Variants in TENT5C observed in about 807,000 individuals in gnomAD.
TENT5C encodes the protein terminal nucleotidyltransferase 5C.
TENT5C carries 5 observed loss-of-function variants against 22.2 expected under a neutral mutation model. That is an observed-to-expected ratio of 0.22 (90% CI 0.12 to 0.47). The LOEUF (loss-of-function observed/expected upper bound fraction) is 0.47. TENT5C is among the 20% of genes least tolerant of loss of function. TENT5C has a pLI of 0.99. For missense variants in TENT5C, 364 were observed against 500.9 expected, an observed-to-expected ratio of 0.73 and a Z score of 2.61; for synonymous variants, 199 against 195.4, an observed-to-expected ratio of 1.02 and a Z score of -0.15.
At position 117,627,571 on chromosome 1, in the gene TENT5C, T is replaced by A. The variant is rs891711876; in HGVS notation, c.*3527T>A. On this transcript the variant is annotated 3_prime_UTR_variant, in exon 2 of 2. Transcript: ENST00000369448. Reference sequence around the variant, plus strand: ...CCTGACGCTCATAGAGGCCATTCCTTCCTGGGTGTCGGACCAGGGCTCTGT... The same window carrying A: ...CCTGACGCTCATAGAGGCCATTCCTACCTGGGTGTCGGACCAGGGCTCTGT... 4.0e-6 allele frequency: 1 copy of A among 248,052 alleles called. No individual in the cohort carries two copies. The highest frequency in any genetic ancestry group is 8.5e-6 in the Non-Finnish European group (1 of 118,118). 15.4% of individuals were successfully genotyped at this position (248,052 alleles called of 1,614,324 possible). A position where few individuals can be genotyped will look rare whatever the true frequency, so the allele number is the denominator to read the frequency against.
At chr1:117,620,292 G>A (rs552685641) in intron 1 of TENT5C, among the ~76,000 whole-genome samples, 2 of 152,284 alleles carry the variant, frequency 1.3e-5, no homozygotes, top group East Asian at 1.9e-4. Flanking sequence ...ACATTATTGA[G>A]GTTCTTGCTG....
At position 117,623,800 on chromosome 1, in the gene TENT5C, G is replaced by A. The variant is rs1570864922; in HGVS notation, c.932G>A (p.Arg311His). ...AAGTACGACTACCTCATGATCCTTC[G>A]CAGGGTGGTGAACGAGAGCACCGTG... Reference protein sequence around the residue: ...RSKYDYLMILRRVVNESTVCL... With the variant: ...RSKYDYLMILHRVVNESTVCL... The change falls in exon 2 of 2, where the codon CGC becomes CAC. Residue 311 changes from arginine (R) to histidine (H), a missense_variant. Arg to His is a conservative substitution (Grantham distance 29, BLOSUM62 0). Coordinates refer to ENST00000369448, the MANE Select transcript of TENT5C (RefSeq NM_017709.4). 1.9e-6 allele frequency: 3 copies of A among 1,614,126 alleles called. No individual in the cohort carries two copies. Among genetic ancestry groups the A allele is most frequent in the Non-Finnish European group, 2.5e-6 (3 of 1,180,038 alleles).
At chr1:117,612,605 C>T (rs1331217036) in intron 1 of TENT5C, among the ~76,000 whole-genome samples, 2 of 152,160 alleles carry the variant, frequency 1.3e-5, no homozygotes, top group South Asian at 2.1e-4. Flanking sequence ...ATGCGCAGTA[C>T]CTGGAGGCCC....
rs1653938450 is a variant in TENT5C, at chr1:117,623,232, G to GA, written c.365dup (p.Val124CysfsTer27). 1.2e-6 allele frequency: 2 copies of GA among 1,614,100 alleles called. No individual in the cohort carries two copies. Among genetic ancestry groups the GA allele is most frequent in the African/African-American group, 2.7e-5 (2 of 74,936 alleles). ...GTGTTCCCTTCTGAACTTCCTGCCA[G>GA]AGGGTGTGAACAAGCTCAAAATCAG... On this transcript the variant is annotated frameshift_variant, in exon 2 of 2. Transcript: ENST00000369448. LOFTEE classifies it high-confidence loss of function.
At chr1:117,608,368 C>T (rs1440570192) in intron 1 of TENT5C, among the ~76,000 whole-genome samples, 1 of 152,162 alleles carries the variant, frequency 6.6e-6, no homozygotes, top group African/African-American at 2.4e-5. Flanking sequence ...ACTGAAATCT[C>T]CCGAGTTCCA....
intron 1 of TENT5C, among the ~76,000 whole-genome samples, chr1:117,611,101 T>C (rs996098916): frequency 2.6e-5 from 4 of 152,228 alleles, no homozygotes; most frequent in Non-Finnish European, 4.4e-5. Context: ...CTGTCCATCG[T>C]TGCCCTCTGC....
Position 117,623,089 on chromosome 1 carries a change from C to T in TENT5C, c.221C>T (p.Ser74Phe), listed in dbSNP as rs1653934349. 1.9e-6 allele frequency: 3 copies of T among 1,614,228 alleles called. No homozygotes were observed. Among genetic ancestry groups the T allele is most frequent in the Non-Finnish European group, 2.5e-6 (3 of 1,180,050 alleles). The change falls in exon 2 of 2, where the codon TCC (serine) becomes TTC (phenylalanine). Residue 74 changes from serine to phenylalanine, a missense_variant. Coordinates refer to ENST00000369448, the MANE Select transcript of TENT5C (RefSeq NM_017709.4). ...IKVHDVRLNG[S>F]AAGHVLVKDN... ...GTGCACGACGTCCGGCTGAATGGCT[C>T]CGCAGCTGGCCACGTTTTGGTCAAA...
intron 1 of TENT5C, among the ~76,000 whole-genome samples, chr1:117,609,259 T>C (rs1297676133): frequency 1.3e-5 from 2 of 152,232 alleles, no homozygotes; most frequent in African/African-American, 4.8e-5. Context: ...TCAAATAGTT[T>C]AGAGGAAGCA....
Position 117,625,128 on chromosome 1 carries a change from T to C in TENT5C, c.*1084T>C, listed in dbSNP as rs2101081357. 4.0e-6 allele frequency: 1 copy of C among 247,630 alleles called. No homozygotes were observed. Among genetic ancestry groups the C allele is most frequent in the African/African-American group, 2.2e-5 (1 of 45,256 alleles). The allele number at this position is 247,630 out of a possible 1,614,324, so 15.3% of individuals were successfully genotyped here. On this transcript the variant is annotated 3_prime_UTR_variant, in exon 2 of 2. Coordinates refer to ENST00000369448, the MANE Select transcript of TENT5C (RefSeq NM_017709.4). ...TCGTTTTTTTTTTTTCCAAAAATAG[T>C]GACTTCCTTCTCCAGGTGTGTTTGA...
At chr1:117,615,348 A>C (rs578040950) in intron 1 of TENT5C, among the ~76,000 whole-genome samples, 1 of 152,378 alleles carries the variant, frequency 6.6e-6, no homozygotes, top group South Asian at 2.1e-4. Context: ...ACTCACCAGC[A>C]GTGCATCCTT....
At chr1:117,608,342 G>A (rs1457908001) in intron 1 of TENT5C, among the ~76,000 whole-genome samples, 2 of 152,138 alleles carry the variant, frequency 1.3e-5, no homozygotes, top group African/African-American at 2.4e-5. Flanking sequence ...CTCTTGTACC[G>A]TGAGCACAAG....
chr1:117,623,222 C>A lies in TENT5C; in HGVS notation c.354C>A (p.Asn118Lys), dbSNP rs556415905. ...VRDVVLCSLL[N>K]FLPEGVNKLK... The stretch of plus-strand genomic sequence containing the variant: ...ATGTGGTTCTGTGTTCCCTTCTGAA[C>A]TTCCTGCCAGAGGGTGTGAACAAGC... The change falls in exon 2 of 2, where the codon AAC (asparagine) becomes AAA (lysine). Residue 118 changes from asparagine (N) to lysine (K), a missense_variant. This residue lies in a region of TENT5C where 303 missense variants were observed against 394.5 expected (regional missense o/e 0.77). Transcript: ENST00000369448. The A allele has an allele frequency of 6.2e-6, 10 of 1,614,188 alleles. No individual in the cohort carries two copies. In the East Asian group the frequency reaches 2.2e-4, roughly 36 times the overall value.
chr1:117,623,152 T>C lies in TENT5C; in HGVS notation c.284T>C (p.Phe95Ser), dbSNP rs1371399685. ...GGCTGCAAAGACCTGGACCTAATCT[T>C]CCATGTGGCTCTTCCAACAGAGGCA... The part of the protein sequence containing the change: ...GLGCKDLDLI[F>S]HVALPTEAEF... Residue 95 changes from phenylalanine (F) to serine (S), a missense_variant, in exon 2 of 2, where the codon TTC (phenylalanine) becomes TCC (serine). Physicochemically the swap from Phe to Ser is radical, Grantham distance 155. Coordinates refer to ENST00000369448, the MANE Select transcript of TENT5C (RefSeq NM_017709.4). 1 of 1,614,084 alleles carries C rather than the reference T, an allele frequency of 6.2e-7. No individual in the cohort carries two copies. Among genetic ancestry groups the C allele is most frequent in the African/African-American group, 1.3e-5 (1 of 74,916 alleles).
chr1:117,611,632 G>A (rs938752134), intron 1 of TENT5C, among the ~76,000 whole-genome samples: 4 of 152,154 alleles, frequency 2.6e-5, no homozygotes, highest in Non-Finnish European at 4.4e-5. Context: ...CTTGAGTCCA[G>A]GAGTTCCAGA....
chr1:117,611,848 A>G (rs932042396), intron 1 of TENT5C, among the ~76,000 whole-genome samples: 2 of 152,188 alleles, frequency 1.3e-5, no homozygotes, highest in Non-Finnish European at 2.9e-5. Context: ...CCCTGTATCA[A>G]AAAAAAGTGA....
Position 117,626,289 on chromosome 1 carries a change from T to C in TENT5C, c.*2245T>C. On this transcript the variant is annotated 3_prime_UTR_variant, in exon 2 of 2. Transcript: ENST00000369448. Reference sequence around the variant, plus strand: ...GTCCTTGGGGTTCTTTCTGCTTATGTTTTTTCCCCCCCATCTGGTAATAGT... The same window carrying C: ...GTCCTTGGGGTTCTTTCTGCTTATGCTTTTTCCCCCCCATCTGGTAATAGT... 1 of 247,504 alleles carries C rather than the reference T, an allele frequency of 4.0e-6. No individual in the cohort carries two copies. Among genetic ancestry groups the C allele is most frequent in the Non-Finnish European group, 8.5e-6 (1 of 117,778 alleles). The allele number at this position is 247,504 out of a possible 1,614,324, so 15.3% of individuals were successfully genotyped here.
At chr1:117,616,839 TC>T (rs1653790667) in intron 1 of TENT5C, among the ~76,000 whole-genome samples, 1 of 152,230 alleles carries the variant, frequency 6.6e-6, no homozygotes. Flanking sequence ...GAGCCTCAGT[TC>T]AAGCCTCAGC....
rs1654049642 is a variant in TENT5C, at chr1:117,628,031, A to T, written c.*3987A>T. The T allele has an allele frequency of 1.2e-5, 3 of 248,000 alleles. No homozygotes were observed. In the Admixed American group the frequency reaches 1.7e-4, roughly 14 times the overall value. The allele number at this position is 248,000 out of a possible 1,614,324, so 15.4% of individuals were successfully genotyped here. A position where few individuals can be genotyped will look rare whatever the true frequency, so the allele number is the denominator to read the frequency against. On this transcript the variant is annotated 3_prime_UTR_variant, in exon 2 of 2. Coordinates refer to ENST00000369448, the MANE Select transcript of TENT5C (RefSeq NM_017709.4). ...GTGAGATGACCATCTACTAAAGAGG[A>T]AGTAGCTAAATACAGATCTGTGGGT...
chr1:117,614,349 A>G (rs1190125164), intron 1 of TENT5C, among the ~76,000 whole-genome samples: 16 of 152,212 alleles, frequency 1.1e-4, no homozygotes, highest in Non-Finnish European at 2.2e-4. Flanking sequence ...AAGCAAAATG[A>G]CCAAGGTCCA....
Sources: gnomAD v4.1 joint callset for allele counts (sites outside exome capture counted in the v4.1 genomes callset) on GRCh38, gnomAD v4.1.1 for gene constraint, gnomAD v4.1.1 regional missense constraint, MANE v1.5 for transcripts, NCBI Gene and HGNC (gene_info 2026-07-23, HGNC 2026-07-21) for gene names.